DYNC2I1: variants seen among roughly 807,000 people sequenced by gnomAD.
DYNC2I1 encodes the protein cytoplasmic dynein 2 intermediate chain 1.
In DYNC2I1, 89 loss-of-function variants were observed where a neutral mutation model predicts 133.4. The ratio of observed to expected loss-of-function variants is 0.67; its 90% CI spans 0.56 to 0.80. DYNC2I1 has a LOEUF of 0.80. Ranked by LOEUF, DYNC2I1 falls within the 30% of genes least tolerant of loss-of-function variation. DYNC2I1 has a pLI of 0.00. For synonymous variants in DYNC2I1, 504 were observed against 484.3 expected (o/e 1.04, Z -0.54); for missense variants, 1,291 against 1,314.5 (o/e 0.98, Z 0.28).
chr7:158,917,186 A>T (rs528428147), intron 14 of DYNC2I1, among the ~76,000 whole-genome samples: 1 of 142,154 alleles, frequency 7.0e-6, no homozygotes, highest in East Asian at 2.0e-4. Flanking sequence ...GACATTAAGG[A>T]TGATTGTGAA....
chr7:158,920,564 C>T (rs546477320), intron 15 of DYNC2I1, among the ~76,000 whole-genome samples: 8 of 142,784 alleles, frequency 5.6e-5, no homozygotes, highest in South Asian at 2.4e-4. Flanking sequence ...TACTTCAGTG[C>T]GTGGCCTCTG....
At chr7:158,937,413 T>C (rs1850868663) in intron 23 of DYNC2I1, among the ~76,000 whole-genome samples, 1 of 149,976 alleles carries the variant, frequency 6.7e-6, no homozygotes, top group African/African-American at 2.5e-5. Context: ...GATCACGAGG[T>C]CAGGAGATCG....
intron 11 of DYNC2I1, among the ~76,000 whole-genome samples, chr7:158,907,641 A>T (rs1432039222): frequency 6.7e-6 from 1 of 149,832 alleles, no homozygotes; most frequent in African/African-American, 2.5e-5. Context: ...ACAGGGTCTC[A>T]CTCTGGCACC....
At chr7:158,851,313 G>A in the DYNC2I1 span, among the ~76,000 whole-genome samples, 2 of 152,068 alleles carry the variant, frequency 1.3e-5, no homozygotes, top group Non-Finnish European at 2.9e-5. Flanking sequence ...CAGATGAACT[G>A]CTTGAGCTCA....
chr7:158,949,705 G>C (rs1234636493), downstream of DYNC2I1, among the ~76,000 whole-genome samples: 1 of 152,192 alleles, frequency 6.6e-6, no homozygotes, highest in Non-Finnish European at 1.5e-5. Flanking sequence ...AGCATCAAAG[G>C]CCGGGAGAAT....
chr7:158,879,932 C>T lies in DYNC2I1; in HGVS notation c.822C>T (p.Ser274=). Residue 274 remains serine, a synonymous_variant, in exon 5 of 25, where the codon AGC becomes AGT. Coordinates refer to ENST00000407559, the MANE Select transcript of DYNC2I1 (RefSeq NM_018051.5). ...ATTTTGATGATGAGAGGCACCAAAGCAACGTGGATAGAAAAGAGAAATCGG... is the reference window on the plus strand; with the variant it reads ...ATTTTGATGATGAGAGGCACCAAAGTAACGTGGATAGAAAAGAGAAATCGG... ...GFHFDDERHQ[S]NVDRKEKSAK... The T allele has an allele frequency of 6.2e-7, 1 of 1,609,252 alleles. No individual in the cohort carries two copies. The highest frequency in any genetic ancestry group is 8.5e-7 in the Non-Finnish European group (1 of 1,178,766).
At chr7:158,893,690 A>G (rs1845458288) in intron 8 of DYNC2I1, among the ~76,000 whole-genome samples, 1 of 152,082 alleles carries the variant, frequency 6.6e-6, no homozygotes, top group African/African-American at 2.4e-5. Context: ...ATCATAGTGC[A>G]TATCCTACTG....
At chr7:158,857,569 C>T (rs1841406844) in intron 1 of DYNC2I1, among the ~76,000 whole-genome samples, 1 of 131,590 alleles carries the variant, frequency 7.6e-6, no homozygotes, top group Admixed American at 8.1e-5. Flanking sequence ...GATGGAGTCT[C>T]ACTCTGTCAC....
intron 11 of DYNC2I1, 71 bp from the exon 12 acceptor site, chr7:158,911,479 C>A: frequency 6.6e-7 from 1 of 1,517,308 alleles, no homozygotes; most frequent in African/African-American, 1.4e-5. Flanking sequence ...AAGTTTACTT[C>A]TGTTCTCCCT....
intron 11 of DYNC2I1, among the ~76,000 whole-genome samples, chr7:158,910,082 C>G (rs545054945): frequency 6.6e-6 from 1 of 152,270 alleles, no homozygotes; most frequent in Admixed American, 6.5e-5. Flanking sequence ...AGTAAAGAAA[C>G]AAAAATCTCT....
At chr7:158,952,430 G>A (rs961729360) in intron 4 of DYNC2I1, among the ~76,000 whole-genome samples, 1 of 152,198 alleles carries the variant, frequency 6.6e-6, no homozygotes, top group East Asian at 1.9e-4. Flanking sequence ...AGCTTCCTAG[G>A]TCTGGGTTAG....
At chr7:158,850,186 C>A in the DYNC2I1 span, among the ~76,000 whole-genome samples, 1 of 152,110 alleles carries the variant, frequency 6.6e-6, no homozygotes, top group Non-Finnish European at 1.5e-5. Context: ...GGTCCTGCAC[C>A]TGGGAGAGTG....
chr7:158,923,141 G>T (rs1181960337), intron 16 of DYNC2I1, among the ~76,000 whole-genome samples: 1 of 152,198 alleles, frequency 6.6e-6, no homozygotes, highest in Non-Finnish European at 1.5e-5. Context: ...TCCTAGTTAT[G>T]TATTCCCTGG....
chr7:158,936,994 A>C (rs1850824600), intron 23 of DYNC2I1, among the ~76,000 whole-genome samples: 1 of 152,218 alleles, frequency 6.6e-6, no homozygotes, highest in South Asian at 2.1e-4. Flanking sequence ...ACATACACCC[A>C]CAAGAAACAG....
At chr7:158,917,094 GC>G (rs1463238339) in intron 14 of DYNC2I1, among the ~76,000 whole-genome samples, 6 of 130,998 alleles carry the variant, frequency 4.6e-5, no homozygotes, top group South Asian at 2.4e-4. Context: ...ACGTCTACAC[GC>G]TGGTTGACAT....
downstream of DYNC2I1, among the ~76,000 whole-genome samples, chr7:158,950,144 G>T (rs964512943): frequency 3.9e-5 from 6 of 151,956 alleles, no homozygotes; most frequent in African/African-American, 1.5e-4. Context: ...GCTCACTGCA[G>T]CCTCTGCCTC....
intron 1 of DYNC2I1, among the ~76,000 whole-genome samples, chr7:158,865,747 C>T (rs538830649): frequency 2.0e-5 from 3 of 152,254 alleles, no homozygotes; most frequent in African/African-American, 7.2e-5. Flanking sequence ...GATTGCTGGG[C>T]TGCTCCATAG....
intron 6 of DYNC2I1, among the ~76,000 whole-genome samples, chr7:158,886,639 T>G (rs562414111): frequency 5.3e-5 from 8 of 152,118 alleles, no homozygotes; most frequent in African/African-American, 1.9e-4. Context: ...GGTCTTTCTC[T>G]GTCGCCCAGG....
chr7:158,919,331 T>A (rs1214036127), intron 15 of DYNC2I1, among the ~76,000 whole-genome samples: 3 of 151,852 alleles, frequency 2.0e-5, no homozygotes. Context: ...GATTTTTAGG[T>A]CAATCCGTGG....
Sources: allele counts gnomAD v4.1 joint callset (sites outside exome capture counted in the v4.1 genomes callset), GRCh38; gene constraint gnomAD v4.1.1; transcripts MANE v1.5; gene names NCBI Gene and HGNC (gene_info 2026-07-23, HGNC 2026-07-21).